The following ZNF705G variants were observed in gnomAD, a reference collection of about 807,000 sequenced individuals.
The protein encoded by ZNF705G is zinc finger protein 705G.
In ZNF705G, 23 loss-of-function variants were observed where a neutral mutation model predicts 19.6. The observed-to-expected ratio is 1.17, with a 90% confidence interval of 0.84 to 1.66. The LOEUF is 1.66. ZNF705G is among the 40% of genes most tolerant of loss of function. ZNF705G has a pLI of 0.00. For synonymous variants in ZNF705G, 146 were observed against 117.7 expected, an observed-to-expected ratio of 1.24 and a Z score of -1.56; for missense variants, 457 against 354.4, an observed-to-expected ratio of 1.29 and a Z score of -2.32.
At chr8:7,360,081 A>C (rs1443155468) in intron 5 of ZNF705G, among the ~76,000 whole-genome samples, 156 bp downstream of exon 5, 1 of 149,578 alleles carries the variant, frequency 6.7e-6, no homozygotes, top group Non-Finnish European at 1.5e-5. Context: ...ACACATGAAC[A>C]AAATGATAAT....
In ZNF705G at chr8:7,356,386, C is replaced by T. The variant is rs1375085176; in HGVS notation, c.*1590G>A. Reference sequence around the variant, plus strand: ...CTTCCAGTTAGAGAGGCTCCAGGGACAAAATTTCAAGAGTCTTCTGAGGGA... The same window carrying T: ...CTTCCAGTTAGAGAGGCTCCAGGGATAAAATTTCAAGAGTCTTCTGAGGGA... On this transcript the variant is annotated 3_prime_UTR_variant, in exon 7 of 7. Transcript: ENST00000400156. 2.0e-5 allele frequency: 3 copies of T among 149,820 alleles called. No homozygotes were observed. Among genetic ancestry groups the T allele is most frequent in the African/African-American group, 7.7e-5 (3 of 38,896 alleles). The allele number at this position is 149,820 out of a possible 1,614,324, so 9.3% of individuals were successfully genotyped here. A position where few individuals can be genotyped will look rare whatever the true frequency, so the allele number is the denominator to read the frequency against.
chr8:7,369,029 A>C lies in ZNF705G; in HGVS notation c.-71-6012T>G, dbSNP rs1806981562. Among the ~76,000 whole-genome samples, 4 of 149,782 alleles carry C rather than the reference A, an allele frequency of 2.7e-5. No individual in the cohort carries two copies. The South Asian group carries it at 8.4e-4, about 31-fold the overall frequency. On this transcript the variant is annotated intron_variant, in intron 2 of 6. Transcript: ENST00000400156. ...TGGGGGGAGGCAGAAGGCAAAAGGCATGTCTTACATCACAGCAGGCAAGTG... is the reference window on the plus strand; with the variant it reads ...TGGGGGGAGGCAGAAGGCAAAAGGCCTGTCTTACATCACAGCAGGCAAGTG...
intron 2 of ZNF705G, among the ~76,000 whole-genome samples, chr8:7,369,436 C>T (rs1469787825): frequency 6.7e-6 from 1 of 149,470 alleles, no homozygotes; most frequent in Admixed American, 6.6e-5. Flanking sequence ...GAGAAGACAG[C>T]CACCATCCTC....
intron 2 of ZNF705G, among the ~76,000 whole-genome samples, chr8:7,369,728 A>C (rs1267057072): frequency 1.3e-5 from 2 of 149,564 alleles, no homozygotes; most frequent in Admixed American, 6.6e-5. Flanking sequence ...TAAAAAATTT[A>C]TGTCCTTTGC....
In ZNF705G at chr8:7,376,252, G is replaced by A. The variant is rs1189336887; in HGVS notation, c.-72+5200C>T. ...TGGTCTTCACATCAATCCACTAACT[G>A]CTTTGTGACCATTGAAAAGTTAAAT... On this transcript the variant is annotated intron_variant, in intron 2 of 6. Coordinates refer to ENST00000400156, the MANE Select transcript of ZNF705G (RefSeq NM_001164457.3). Among the ~76,000 whole-genome samples, 36 of 88,510 alleles carry A rather than the reference G, an allele frequency of 4.1e-4. 10 individuals are homozygous for A. In the Middle Eastern group the frequency reaches 0.023, roughly 56 times the overall value. 58.1% of individuals were successfully genotyped at this position (88,510 alleles called of 152,430 possible).
intron 4 of ZNF705G, 31 bp from the exon 5 acceptor site, chr8:7,360,363 G>A: frequency 1.3e-6 from 2 of 1,586,654 alleles, no homozygotes; most frequent in Admixed American, 1.7e-5. Context: ...TGTGTTTTGA[G>A]TTCACTGTCA....
chr8:7,366,325 G>A lies in ZNF705G; in HGVS notation c.-71-3308C>T, dbSNP rs1341924121. ...ATTTAAAATTATTCTAAGGTTTTAT[G>A]TGTGAAAGCACCATGCCCTGAAACA... On this transcript the variant is annotated intron_variant, in intron 2 of 6. Coordinates refer to ENST00000400156, the MANE Select transcript of ZNF705G (RefSeq NM_001164457.3). Among the ~76,000 whole-genome samples the A allele has an allele frequency of 2.2e-4, 33 of 149,700 alleles. 6 individuals are homozygous for A. Among genetic ancestry groups the A allele is most frequent in the African/African-American group, 8.4e-4 (33 of 39,100 alleles).
At chr8:7,365,491 G>A (rs1806815314) in intron 2 of ZNF705G, among the ~76,000 whole-genome samples, 1 of 147,370 alleles carries the variant, frequency 6.8e-6, no homozygotes, top group Non-Finnish European at 1.5e-5. Flanking sequence ...CAATTCTCCA[G>A]CCTCAGCCTC....
intron 2 of ZNF705G, among the ~76,000 whole-genome samples, chr8:7,367,881 T>C (rs1806930875): frequency 6.7e-6 from 1 of 149,836 alleles, no homozygotes; most frequent in African/African-American, 2.6e-5. Context: ...TCTCTTCTAC[T>C]GGTAACAGTA....
chr8:7,363,832 T>A (rs1224398627), intron 2 of ZNF705G, among the ~76,000 whole-genome samples: 2 of 148,688 alleles, frequency 1.3e-5, no homozygotes, highest in African/African-American at 2.6e-5. Context: ...AAAAAAAAAA[T>A]CTGTTTTAGG....
At position 7,357,866 on chromosome 8, in the gene ZNF705G, T is replaced by C; in HGVS notation, c.*110A>G. 1 of 1,516,718 alleles carries C rather than the reference T, an allele frequency of 6.6e-7. No homozygotes were observed. The highest frequency in any genetic ancestry group is 8.8e-7 in the Non-Finnish European group (1 of 1,134,934). The allele number at this position is 1,516,718 out of a possible 1,614,324, so 94.0% of individuals were successfully genotyped here. A position where few individuals can be genotyped will look rare whatever the true frequency, so the allele number is the denominator to read the frequency against. On this transcript the variant is annotated 3_prime_UTR_variant, in exon 7 of 7. Coordinates refer to ENST00000400156, the MANE Select transcript of ZNF705G (RefSeq NM_001164457.3). ...ATATGTTCTGAAGAAGTTTATAATT[T>C]TCTCTCCAGGGTGAATTTTCTGATG...
chr8:7,382,481 C>A (rs1807541300), intron 1 of ZNF705G, among the ~76,000 whole-genome samples: 1 of 146,548 alleles, frequency 6.8e-6, no homozygotes, highest in Admixed American at 6.6e-5. Context: ...TATCCTCATT[C>A]ATTTCATGTC....
Position 7,357,935 on chromosome 8 carries a change from T to A in ZNF705G, c.*41A>T, listed in dbSNP as rs750390513. On this transcript the variant is annotated 3_prime_UTR_variant, in exon 7 of 7. Coordinates refer to ENST00000400156, the MANE Select transcript of ZNF705G (RefSeq NM_001164457.3). ...TTGTCTGAAGGCTTTCCCACATAAA[T>A]GGCATTCATATGGCTTTTCTCCAGT... is the stretch of plus-strand genomic sequence containing the variant. 1.9e-6 allele frequency: 3 copies of A among 1,606,064 alleles called. No individual in the cohort carries two copies. The highest frequency in any genetic ancestry group is 1.7e-5 in the Admixed American group (1 of 59,626).
rs143978280 is a variant in ZNF705G, at chr8:7,364,449, C to T, written c.-71-1432G>A. ...TTTCCTTATTTAACCCTCATAATAA[C>T]CCTGCTGATTACAGTTTATTTACCA... On this transcript the variant is annotated intron_variant, in intron 2 of 6. Transcript: ENST00000400156. 6.4e-3 allele frequency among the ~76,000 whole-genome samples: 960 copies of T among 149,644 alleles called. 114 individuals carry two copies. The highest frequency in any genetic ancestry group is 0.021 in the African/African-American group (806 of 39,092).
At chr8:7,358,957 G>A (rs1397142438) in intron 6 of ZNF705G, among the ~76,000 whole-genome samples, 7 of 149,520 alleles carry the variant, frequency 4.7e-5, no homozygotes, top group East Asian at 1.9e-4. Context: ...CATATTGATT[G>A]TCTCCCTGCC....
In ZNF705G at chr8:7,361,094, A is replaced by G. The variant is rs1472359682; in HGVS notation, c.139+16T>C. 9 of 1,592,766 alleles carry G rather than the reference A, an allele frequency of 5.7e-6. No homozygotes were observed. Among genetic ancestry groups the G allele is most frequent in the Non-Finnish European group, 6.8e-6 (8 of 1,179,386 alleles). ...AATGTGTCTCTACATATGTACATGA[A>G]TGTTCAGGGACTCACCGAGGGACAC... On this transcript the variant is annotated intron_variant, in intron 4 of 6. Coordinates refer to ENST00000400156, the MANE Select transcript of ZNF705G (RefSeq NM_001164457.3).
At chr8:7,380,341 A>C (rs943394728) in intron 2 of ZNF705G, among the ~76,000 whole-genome samples, 9 of 147,310 alleles carry the variant, frequency 6.1e-5, no homozygotes, top group African/African-American at 2.2e-4. Flanking sequence ...GGATCAACCC[A>C]CACTGCTGTC....
intron 4 of ZNF705G, 131 bp downstream of exon 4, chr8:7,360,979 C>T (rs1257189578): frequency 7.4e-5 from 114 of 1,535,794 alleles, no homozygotes; most frequent in South Asian, 2.4e-4. Context: ...GAGTTCAAAC[C>T]TTTTTCAGAT....
intron 1 of ZNF705G, among the ~76,000 whole-genome samples, chr8:7,383,693 G>A (rs1343040408): frequency 6.7e-6 from 1 of 149,298 alleles, no homozygotes; most frequent in Non-Finnish European, 1.5e-5. Context: ...TGAAGCCCTT[G>A]TGATGGGATT....
Sources: allele counts gnomAD v4.1 joint callset (sites outside exome capture counted in the v4.1 genomes callset), GRCh38; gene constraint gnomAD v4.1.1; transcripts MANE v1.5; gene names NCBI Gene and HGNC (gene_info 2026-07-23, HGNC 2026-07-21).